Variants in SP110 observed in about 807,000 individuals in gnomAD.
SP110 encodes SP110 nuclear body protein, also known as interferon-induced protein 41, 30kD.
In SP110, 62 loss-of-function variants were observed where a neutral mutation model predicts 92.7. The observed-to-expected ratio is 0.67, with a 90% confidence interval of 0.55 to 0.83. SP110 has a LOEUF of 0.83. Among genes scored for constraint, SP110 ranks in the 40% least tolerant of loss-of-function variants. SP110 has a pLI of 0.00. For missense variants in SP110, 793 were observed against 863.9 expected, an observed-to-expected ratio of 0.92 and a Z score of 1.03; for synonymous variants, 273 against 305.3, an observed-to-expected ratio of 0.89 and a Z score of 1.10.
In SP110 at chr2:230,212,826, G is replaced by A. The variant is rs41552315; in HGVS notation, c.518C>T (p.Ser173Leu). The part of the protein sequence containing the change: ...SQQSDEILSE[S>L]PSPSDPVLPL... ...CAGGACAGGGTCAGATGGGCTGGGC[G>A]ACTCACTCAGGATCTCATCGCTTTG... Residue 173 changes from serine (S) to leucine (L), a missense_variant, in exon 4 of 19, where the codon TCG becomes TTG. Transcript: ENST00000258381. The A allele has an allele frequency of 2.2e-5, 36 of 1,614,060 alleles. No individual in the cohort carries two copies. Among genetic ancestry groups the A allele is most frequent in the African/African-American group, 1.7e-4 (13 of 74,982 alleles).
At chr2:230,225,058 G>A (rs1249028902) in intron 1 of SP110, among the ~76,000 whole-genome samples, 4 of 152,172 alleles carry the variant, frequency 2.6e-5, no homozygotes, top group Non-Finnish European at 5.9e-5. Flanking sequence ...TATTGTCCTT[G>A]AAGGTCTAGA....
intron 10 of SP110, among the ~76,000 whole-genome samples, chr2:230,198,110 C>G (rs1478236361): frequency 7.6e-6 from 1 of 132,064 alleles, no homozygotes; most frequent in Non-Finnish European, 1.6e-5. Context: ...GACAATAGGA[C>G]CCTCTGTAGG....
chr2:230,186,391 A>G (rs1422863211), intron 10 of SP110, among the ~76,000 whole-genome samples: 1 of 152,128 alleles, frequency 6.6e-6, no homozygotes, highest in Non-Finnish European at 1.5e-5. Flanking sequence ...TGTCTTGCTC[A>G]CTGCTGAGTT....
At position 230,208,019 on chromosome 2, in the gene SP110, C is replaced by T; in HGVS notation, c.870G>A (p.Arg290=). 1 of 1,567,864 alleles carries T rather than the reference C, an allele frequency of 6.4e-7. No homozygotes were observed. Among genetic ancestry groups the T allele is most frequent in the African/African-American group, 1.4e-5 (1 of 73,898 alleles). Residue 290 remains arginine, a synonymous_variant, in exon 8 of 19, where the codon AGG becomes AGA. Transcript: ENST00000258381. The part of the protein sequence containing the change: ...RKRCIWSTPK[R]RHKKKSLPGG... ...CTGGGAGGCTTTTTTTCTTATGTCT[C>T]CTTTTTGGAGTTGACCAGATACATC...
At chr2:230,191,369 T>A (rs1434174831) in intron 10 of SP110, among the ~76,000 whole-genome samples, 1 of 151,356 alleles carries the variant, frequency 6.6e-6, no homozygotes, top group African/African-American at 2.4e-5. Context: ...TTTGAAAAAA[T>A]TAACAAAATA....
intron 10 of SP110, among the ~76,000 whole-genome samples, chr2:230,187,975 G>C (rs1417492941): frequency 6.6e-6 from 1 of 152,096 alleles, no homozygotes; most frequent in Non-Finnish European, 1.5e-5. Context: ...GGCTTTGCAG[G>C]CTCTTTTTTG....
intron 2 of SP110, 144 bp downstream of exon 2, chr2:230,216,637 C>G (rs1420345734): frequency 1.0e-6 from 1 of 968,806 alleles, no homozygotes; most frequent in Non-Finnish European, 1.6e-6. Flanking sequence ...TCTCTCCTAA[C>G]TACCCCCACC....
intron 10 of SP110, among the ~76,000 whole-genome samples, chr2:230,199,250 C>G (rs186605857): frequency 7.8e-5 from 11 of 141,722 alleles, no homozygotes; most frequent in African/African-American, 2.9e-4. Flanking sequence ...ACTCTGTCAC[C>G]TAGGCTAGAG....
intron 1 of SP110, among the ~76,000 whole-genome samples, chr2:230,225,128 T>A (rs1004626414): frequency 2.0e-4 from 30 of 152,176 alleles, no homozygotes; most frequent in African/African-American, 6.8e-4. Flanking sequence ...TCCTCAAGAT[T>A]TCAGTGAAAT....
chr2:230,207,237 G>T (rs1431600116), intron 8 of SP110, among the ~76,000 whole-genome samples: 6 of 152,082 alleles, frequency 3.9e-5, no homozygotes, highest in African/African-American at 1.4e-4. Context: ...CCTTATACAT[G>T]AGTTGTAGTC....
chr2:230,166,144 A>G lies in SP110; in HGVS notation c.*2980T>C, dbSNP rs1045140174. On this transcript the variant is annotated 3_prime_UTR_variant, in exon 19 of 19. Transcript: ENST00000258381. Reference sequence around the variant, plus strand: ...CTTGACCTCGCGATCCACTCGCCTCAGCCTCCCAAAGTGCTGGGATTACAG... The same window carrying G: ...CTTGACCTCGCGATCCACTCGCCTCGGCCTCCCAAAGTGCTGGGATTACAG... 1.3e-5 allele frequency among the ~76,000 whole-genome samples: 2 copies of G among 152,194 alleles called. No homozygotes were observed. Among genetic ancestry groups the G allele is most frequent in the African/African-American group, 4.8e-5 (2 of 41,444 alleles).
At chr2:230,189,125 A>G (rs2042492563) in intron 10 of SP110, among the ~76,000 whole-genome samples, 2 of 151,750 alleles carry the variant, frequency 1.3e-5, no homozygotes, top group Non-Finnish European at 2.9e-5. Flanking sequence ...CTAATGTTCT[A>G]TCAATTTTGT....
intron 10 of SP110, among the ~76,000 whole-genome samples, chr2:230,195,605 C>T (rs1177412434): frequency 1.3e-5 from 2 of 152,116 alleles, no homozygotes; most frequent in Non-Finnish European, 2.9e-5. Context: ...GCTGGGATTA[C>T]AGGCATGAGC....
exon 1 of SP110, chr2:230,225,578 C>T (rs1227782418): frequency 3.7e-6 from 2 of 538,734 alleles, no homozygotes; most frequent in Non-Finnish European, 6.7e-6. Flanking sequence ...ACTTTTCCAC[C>T]CTCTTTCCTT....
rs577494559 is a variant in SP110 at position 230,219,791 on chromosome 2, C to T, written c.-2+83G>A. The T allele has an allele frequency of 3.5e-5, 13 of 372,342 alleles. No individual in the cohort carries two copies. In the East Asian group the frequency reaches 1.9e-3, roughly 55 times the overall value. The allele number at this position is 372,342 out of a possible 1,614,324, so 23.1% of individuals were successfully genotyped here. Reference sequence around the variant, plus strand: ...TCAGAGTTTAAATAGTTGAACTCCACCCTGCAGCTGCTGCCGCGAAGTTAA... The same window carrying T: ...TCAGAGTTTAAATAGTTGAACTCCATCCTGCAGCTGCTGCCGCGAAGTTAA... On this transcript the variant is annotated intron_variant, in intron 1 of 18. Transcript: ENST00000258381.
intron 11 of SP110, among the ~76,000 whole-genome samples, chr2:230,185,419 C>T (rs1036546078): frequency 1.3e-5 from 2 of 152,174 alleles, no homozygotes; most frequent in Admixed American, 1.3e-4. Context: ...AAGGGAAACA[C>T]CGGTGGAATA....
At chr2:230,201,676 T>C (rs1219971731) in intron 9 of SP110, among the ~76,000 whole-genome samples, 1 of 152,246 alleles carries the variant, frequency 6.6e-6, no homozygotes, top group Non-Finnish European at 1.5e-5. Context: ...AAAACACTTG[T>C]GTGATTGAGA....
chr2:230,168,912 T>TCTTA lies in SP110; in HGVS notation c.*211_*212insTAAG. The TCTTA allele has an allele frequency of 1.0e-5, 4 of 392,354 alleles. No individual in the cohort carries two copies. The highest frequency in any genetic ancestry group is 1.8e-5 in the Non-Finnish European group (4 of 216,318). 24.3% of individuals were successfully genotyped at this position (392,354 alleles called of 1,614,324 possible). Reference sequence around the variant, plus strand: ...GGGGTATCTGATGGTATTAAGGAAGTATTAATTTTTTTTTTTTTTAGTGTA... The same window carrying TCTTA: ...GGGGTATCTGATGGTATTAAGGAAGTCTTAATTAATTTTTTTTTTTTTTAGTGTA... On this transcript the variant is annotated 3_prime_UTR_variant, in exon 19 of 19. Transcript: ENST00000258381.
chr2:230,170,549 C>A (rs2078409656), intron 18 of SP110, 72 bp downstream of exon 18: 2 of 1,581,784 alleles, frequency 1.3e-6, no homozygotes, highest in South Asian at 2.2e-5. Context: ...GTAATACTTG[C>A]AAAATTCTGC....
Sources: gnomAD v4.1 joint callset for allele counts (sites outside exome capture counted in the v4.1 genomes callset) on GRCh38, gnomAD v4.1.1 for gene constraint, MANE v1.5 for transcripts, NCBI Gene and HGNC (gene_info 2026-07-23, HGNC 2026-07-21) for gene names.